ABCC1: variants seen among roughly 807,000 people sequenced by gnomAD.
ABCC1 encodes the protein ATP binding cassette subfamily C member 1 (ABCC1 blood group), also known as multidrug resistance-associated protein 1.
Under a neutral mutation model 172.9 loss-of-function variants are expected in ABCC1, and 83 were observed. The ratio of observed to expected loss-of-function variants is 0.48; its 90% CI spans 0.40 to 0.58. ABCC1 has a LOEUF of 0.58. Ranked by LOEUF, ABCC1 falls within the 20% of genes least tolerant of loss-of-function variation. The pLI, the probability that ABCC1 is intolerant of heterozygous loss-of-function variation, is 0.00. For synonymous variants in ABCC1, 937 were observed against 825.2 expected (o/e 1.14, Z -2.32); for missense variants, 1,817 against 2,002.7 (o/e 0.91, Z 1.77).
chr16:15,958,578 G>A (rs1037841269), intron 1 of ABCC1, among the ~76,000 whole-genome samples: 1 of 152,164 alleles, frequency 6.6e-6, no homozygotes. Flanking sequence ...GCGAAGTAAG[G>A]CCTAGCTTTG....
At chr16:16,125,381 G>A (rs182946969) in intron 25 of ABCC1, among the ~76,000 whole-genome samples, 12 of 152,106 alleles carry the variant, frequency 7.9e-5, no homozygotes, top group African/African-American at 2.9e-4. Context: ...TGCTAATTTC[G>A]GTACCTTTCT....
chr16:16,141,056 T>C, intron 30 of ABCC1, 117 bp from the exon 31 acceptor site: 1 of 788,142 alleles, frequency 1.3e-6, no homozygotes, highest in Non-Finnish European at 2.1e-6. Flanking sequence ...GCACCAGTCC[T>C]AGCAAAAAGT....
chr16:16,132,059 T>G, intron 27 of ABCC1, 124 bp downstream of exon 27: 1 of 1,245,306 alleles, frequency 8.0e-7, no homozygotes, highest in East Asian at 2.5e-5. Context: ...CTTGAATGGC[T>G]TTTTGGGGGG....
At chr16:16,130,515 T>A (rs1596549534) in intron 26 of ABCC1, among the ~76,000 whole-genome samples, 1 of 151,738 alleles carries the variant, frequency 6.6e-6, no homozygotes, top group African/African-American at 2.4e-5. Flanking sequence ...TTTTACAAAA[T>A]CACTTTTTAA....
At chr16:16,131,136 A>T (rs3851719) in intron 26 of ABCC1, among the ~76,000 whole-genome samples, 2 of 152,290 alleles carry the variant, frequency 1.3e-5, no homozygotes, top group South Asian at 2.1e-4. Context: ...AAAAAGAACA[A>T]TGTCTATACA....
In ABCC1 at chr16:16,079,128, A is replaced by G. The variant is rs552739622; in HGVS notation, c.1989-224A>G. ...ACTCCCTGCCTCACTTCTCTAAGGG[A>G]CACCTGTCACCTGCCTCCCACCTGG... is the stretch of plus-strand genomic sequence containing the variant. On this transcript the variant is annotated intron_variant, in intron 15 of 30. Transcript: ENST00000399410. Among the ~76,000 whole-genome samples, 7 of 152,256 alleles carry G rather than the reference A, an allele frequency of 4.6e-5. No individual in the cohort carries two copies. In the South Asian group the frequency reaches 1.0e-3, roughly 23 times the overall value.
chr16:16,093,216 G>T (rs1290522271), intron 19 of ABCC1, among the ~76,000 whole-genome samples: 1 of 151,874 alleles, frequency 6.6e-6, no homozygotes, highest in African/African-American at 2.4e-5. Context: ...TCACTGACCT[G>T]CTTGGCAGGC....
chr16:16,104,814 C>A (rs2152067257), intron 20 of ABCC1, among the ~76,000 whole-genome samples: 1 of 152,318 alleles, frequency 6.6e-6, no homozygotes, highest in East Asian at 1.9e-4. Flanking sequence ...GAGCCCTGCC[C>A]CGCGGGGAGG....
At chr16:15,972,156 A>G (rs931009624) in intron 1 of ABCC1, among the ~76,000 whole-genome samples, 2 of 152,126 alleles carry the variant, frequency 1.3e-5, no homozygotes, top group Admixed American at 6.6e-5. Context: ...CATGCGCAGG[A>G]TCATGTCACT....
chr16:16,134,625 CTT>C (rs67073334), intron 28 of ABCC1, 117 bp downstream of exon 28: 33,264 of 347,448 alleles, frequency 0.096, 978 homozygotes, highest in Non-Finnish European at 0.11. Context: ...CTTCATCGTT[CTT>C]TTTTTTTTTT....
intron 12 of ABCC1, among the ~76,000 whole-genome samples, chr16:16,059,570 C>T (rs375322853): frequency 3.3e-5 from 5 of 151,934 alleles, no homozygotes; most frequent in African/African-American, 4.8e-5. Flanking sequence ...TTTGGGAGGC[C>T]GAGGCGGGCG....
At chr16:15,995,328 C>CT (rs1404985655) in intron 1 of ABCC1, among the ~76,000 whole-genome samples, 1 of 152,156 alleles carries the variant, frequency 6.6e-6, no homozygotes, top group African/African-American at 2.4e-5. Context: ...CCCTCTTACT[C>CT]TTTCTATAGA....
chr16:15,977,565 A>G (rs974928639), intron 1 of ABCC1, among the ~76,000 whole-genome samples: 2 of 151,864 alleles, frequency 1.3e-5, no homozygotes, highest in Non-Finnish European at 2.9e-5. Context: ...ACTATCTTCT[A>G]TGTGTGTCCC....
rs976766220 is a variant in ABCC1, at chr16:16,079,371, G to C, written c.2008G>C (p.Glu670Gln). Residue 670 changes from glutamate (E) to glutamine (Q), a missense_variant, in exon 16 of 31, where the codon GAA (glutamate) becomes CAA (glutamine). Glu to Gln is a conservative substitution (Grantham distance 29). Coordinates refer to ENST00000399410, the MANE Select transcript of ABCC1 (RefSeq NM_004996.4). ...TLNGITFSIP[E>Q]GALVAVVGQV... ...TTTCAGCATCACCTTCTCCATCCCC[G>C]AAGGTGCTTTGGTGGCCGTGGTGGG... is the stretch of plus-strand genomic sequence containing the variant. 1.2e-6 allele frequency: 2 copies of C among 1,614,020 alleles called. No homozygotes were observed. Among genetic ancestry groups the C allele is most frequent in the Admixed American group, 3.3e-5 (2 of 60,008 alleles).
chr16:16,118,194 G>A (rs866071791), intron 23 of ABCC1, among the ~76,000 whole-genome samples: 1 of 152,254 alleles, frequency 6.6e-6, no homozygotes. Flanking sequence ...TTAGATGGGA[G>A]CATTCCAGCT....
rs1040837356 is a variant in ABCC1 at position 16,083,298 on chromosome 16, C to T, written c.2116-68C>T. Reference sequence around the variant, plus strand: ...AGGCCCTCCTAGCAGGCGGGTGGGCCAGCTGTTGTCTCGTTGATCAGATCT... The same window carrying T: ...AGGCCCTCCTAGCAGGCGGGTGGGCTAGCTGTTGTCTCGTTGATCAGATCT... On this transcript the variant is annotated intron_variant, in intron 16 of 30. Coordinates refer to ENST00000399410, the MANE Select transcript of ABCC1 (RefSeq NM_004996.4). 7.2e-6 allele frequency: 11 copies of T among 1,520,442 alleles called. No individual in the cohort carries two copies. The African/African-American group carries it at 1.5e-4, about 21-fold the overall frequency. The allele number at this position is 1,520,442 out of a possible 1,614,324, so 94.2% of individuals were successfully genotyped here.
chr16:15,990,795 G>T (rs1259511030), intron 1 of ABCC1, among the ~76,000 whole-genome samples: 2 of 150,132 alleles, frequency 1.3e-5, no homozygotes, highest in Non-Finnish European at 3.0e-5. Context: ...AACCACAGGT[G>T]CCTGCCGCCA....
chr16:15,991,549 C>T (rs751369416), intron 1 of ABCC1, among the ~76,000 whole-genome samples: 6 of 152,072 alleles, frequency 3.9e-5, no homozygotes, highest in Non-Finnish European at 7.4e-5. Context: ...AGGACCCCCA[C>T]TGCGGGCGGA....
At chr16:16,002,462 CTA>C (rs2047347495) in intron 1 of ABCC1, among the ~76,000 whole-genome samples, 1 of 152,144 alleles carries the variant, frequency 6.6e-6, no homozygotes, top group East Asian at 1.9e-4. Context: ...TAAAACACAT[CTA>C]TGTTACTGAT....
Sources: gnomAD v4.1 joint callset for allele counts (sites outside exome capture counted in the v4.1 genomes callset) on GRCh38, gnomAD v4.1.1 for gene constraint, MANE v1.5 for transcripts, NCBI Gene and HGNC (gene_info 2026-07-23, HGNC 2026-07-21) for gene names.